ATXN1: variants seen among roughly 807,000 people sequenced by gnomAD.
ATXN1 encodes the protein ataxin-1.
Under a neutral mutation model 56.4 loss-of-function variants are expected in ATXN1, and 8 were observed. The ratio of observed to expected loss-of-function variants is 0.14; its 90% CI spans 0.08 to 0.26. ATXN1 has a LOEUF of 0.26. Among genes scored for constraint, ATXN1 ranks in the 10% least tolerant of loss-of-function variants. The pLI is 1.00. For synonymous variants in ATXN1, 514 were observed against 494.6 expected, an observed-to-expected ratio of 1.04 and a Z score of -0.52; for missense variants, 987 against 1,106.5, an observed-to-expected ratio of 0.89 and a Z score of 1.53.
At chr6:16,691,366 A>G (rs554892246) in intron 2 of ATXN1, among the ~76,000 whole-genome samples, 235 of 152,392 alleles carry the variant, frequency 1.5e-3, no homozygotes, top group African/African-American at 5.5e-3. Flanking sequence ...AATGAAGAAG[A>G]AATATGCATA....
intron 6 of ATXN1, among the ~76,000 whole-genome samples, chr6:16,424,514 G>C (rs1024665885): frequency 6.6e-6 from 1 of 152,152 alleles, no homozygotes. Flanking sequence ...CAGGGTTCTA[G>C]TGTGTGCACT....
chr6:16,467,473 A>C (rs935111439), intron 6 of ATXN1, among the ~76,000 whole-genome samples: 11 of 152,170 alleles, frequency 7.2e-5, no homozygotes, highest in Admixed American at 1.3e-4. Context: ...TTACATGCAG[A>C]GGAGGGAGGA....
intron 6 of ATXN1, among the ~76,000 whole-genome samples, chr6:16,351,680 G>T (rs190913123): frequency 1.1e-3 from 161 of 152,282 alleles, no homozygotes; most frequent in African/African-American, 3.5e-3. Flanking sequence ...TGGGATAACA[G>T]GCATGAGCTA....
In ATXN1 at chr6:16,385,314, T is replaced by C. The variant is rs78535369; in HGVS notation, c.-160-56844A>G. On this transcript the variant is annotated intron_variant, in intron 6 of 7. Transcript: ENST00000436367. ...TAAAAATGTCACTCTGGTCATAGAG[T>C]AGAAGATGGATGAGAAGGGACCAGG... Among the ~76,000 whole-genome samples, 1,084 of 152,064 alleles carry C rather than the reference T, an allele frequency of 7.1e-3. 9 individuals are homozygous for C. Among genetic ancestry groups the C allele is most frequent in the Middle Eastern group, 0.027 (8 of 294 alleles).
chr6:16,716,058 C>T lies in ATXN1; in HGVS notation c.-615+37175G>A, dbSNP rs185202823. 1.4e-3 allele frequency among the ~76,000 whole-genome samples: 208 copies of T among 152,302 alleles called. 1 individual carries two copies. Among genetic ancestry groups the T allele is most frequent in the African/African-American group, 4.7e-3 (196 of 41,564 alleles). On this transcript the variant is annotated intron_variant, in intron 2 of 7. Coordinates refer to ENST00000436367, the MANE Select transcript of ATXN1 (RefSeq NM_001128164.2). ...AGCCATTCCTGACAACACCCCCACC[C>T]ACTCAAGGCTAAATTAACGCATCCT...
chr6:16,595,446 G>A (rs1762797229), intron 3 of ATXN1, among the ~76,000 whole-genome samples: 1 of 152,226 alleles, frequency 6.6e-6, no homozygotes. Context: ...GGTATGAGAA[G>A]AGACAACGAT....
At position 16,755,711 on chromosome 6, in the gene ATXN1, C is replaced by T. The variant is rs1011332346; in HGVS notation, c.-729-2364G>A. ...CAAAACTTGTCATGTTAAAGGGCAC[C>T]TAAGTGTAAAAAAAAAAAAAAAGAG... On this transcript the variant is annotated intron_variant, in intron 1 of 7. Coordinates refer to ENST00000436367, the MANE Select transcript of ATXN1 (RefSeq NM_001128164.2). Among the ~76,000 whole-genome samples, 4 of 149,956 alleles carry T rather than the reference C, an allele frequency of 2.7e-5. No individual in the cohort carries two copies. In the Admixed American group the frequency reaches 2.7e-4, roughly 10 times the overall value.
rs73728019 is a variant in ATXN1 at position 16,590,510 on chromosome 6, T to C, written c.-488-4603A>G. On this transcript the variant is annotated intron_variant, in intron 3 of 7. Coordinates refer to ENST00000436367, the MANE Select transcript of ATXN1 (RefSeq NM_001128164.2). ...TTATATATTAAGTCCTACTGAAATA[T>C]AAAGTACTATCATTATTGCATTTTG... Among the ~76,000 whole-genome samples the C allele has an allele frequency of 5.1e-3, 776 of 152,328 alleles. 5 individuals carry two copies. Among genetic ancestry groups the C allele is most frequent in the African/African-American group, 0.018 (732 of 41,584 alleles).
At chr6:16,348,851 T>A (rs1761504601) in intron 6 of ATXN1, among the ~76,000 whole-genome samples, 1 of 152,198 alleles carries the variant, frequency 6.6e-6, no homozygotes, top group South Asian at 2.1e-4. Flanking sequence ...AACTACCTCC[T>A]ATGACTGCTG....
intron 6 of ATXN1, among the ~76,000 whole-genome samples, chr6:16,395,357 C>A (rs57681677): frequency 7.1e-4 from 107 of 150,884 alleles, no homozygotes; most frequent in African/African-American, 2.5e-3. Context: ...ATCTGTATGA[C>A]TGAGGTTAAT....
intron 6 of ATXN1, among the ~76,000 whole-genome samples, chr6:16,343,588 T>C (rs1222206496): frequency 6.6e-6 from 1 of 152,150 alleles, no homozygotes; most frequent in Non-Finnish European, 1.5e-5. Context: ...GAGGCAGCAG[T>C]ATCTTAGTGT....
chr6:16,685,662 A>G (rs1485212253), intron 2 of ATXN1, among the ~76,000 whole-genome samples: 1 of 152,236 alleles, frequency 6.6e-6, no homozygotes, highest in Non-Finnish European at 1.5e-5. Flanking sequence ...TGATAAAGCT[A>G]ACACATGTTT....
chr6:16,418,590 G>A (rs931063543), intron 6 of ATXN1, among the ~76,000 whole-genome samples: 8 of 151,482 alleles, frequency 5.3e-5, no homozygotes, highest in Non-Finnish European at 7.4e-5. Flanking sequence ...TAAGTTTTAG[G>A]TTACATGTGC....
chr6:16,524,449 G>A (rs1317805307), intron 4 of ATXN1, among the ~76,000 whole-genome samples: 1 of 152,146 alleles, frequency 6.6e-6, no homozygotes, highest in African/African-American at 2.4e-5. Flanking sequence ...CAACAGACGA[G>A]ACGTCTACAG....
At chr6:16,396,060 CTCAGGCAGG>C (rs1758452726) in intron 6 of ATXN1, among the ~76,000 whole-genome samples, 1 of 148,774 alleles carries the variant, frequency 6.7e-6, no homozygotes, top group Non-Finnish European at 1.5e-5. Context: ...TGTAAACAGC[CTCAGGCAGG>C]TCCCTCTGGA....
chr6:16,636,224 T>C (rs1230239347), intron 3 of ATXN1, among the ~76,000 whole-genome samples: 1 of 152,194 alleles, frequency 6.6e-6, no homozygotes, highest in African/African-American at 2.4e-5. Flanking sequence ...ACTGCTTTCT[T>C]CTTCATAGGG....
intron 3 of ATXN1, among the ~76,000 whole-genome samples, chr6:16,645,318 T>C (rs923895995): frequency 6.6e-6 from 1 of 152,230 alleles, no homozygotes; most frequent in East Asian, 1.9e-4. Flanking sequence ...CTCCCAGAGA[T>C]GGCCAGCTGC....
intron 6 of ATXN1, among the ~76,000 whole-genome samples, chr6:16,373,893 G>A (rs1246566938): frequency 6.6e-6 from 1 of 152,086 alleles, no homozygotes; most frequent in Non-Finnish European, 1.5e-5. Context: ...ACCCAAATTA[G>A]ACCTGTTTCT....
chr6:16,753,401 G>T (rs1460151193), intron 1 of ATXN1, 54 bp from the exon 2 acceptor site: 1 of 453,954 alleles, frequency 2.2e-6, no homozygotes, highest in Non-Finnish European at 4.4e-6. Context: ...AAACAGAATA[G>T]ACTGCTTTAA....
Sources: allele counts gnomAD v4.1 joint callset (sites outside exome capture counted in the v4.1 genomes callset), GRCh38; gene constraint gnomAD v4.1.1; transcripts MANE v1.5; gene names NCBI Gene and HGNC (gene_info 2026-07-23, HGNC 2026-07-21).